Variants in GOLGA5 observed in about 807,000 individuals in gnomAD.
The protein encoded by GOLGA5 is golgin A5.
In GOLGA5, 50 loss-of-function variants were observed where a neutral mutation model predicts 93.5. The ratio of observed to expected loss-of-function variants is 0.53; its 90% confidence interval spans 0.43 to 0.68. The LOEUF (loss-of-function observed/expected upper bound fraction) is 0.68. GOLGA5 is among the 30% of genes least tolerant of loss of function. GOLGA5 has a pLI of 0.00. For missense variants in GOLGA5, 760 were observed against 856.4 expected, an observed-to-expected ratio of 0.89 and a Z score of 1.40; for synonymous variants, 312 against 304.5, an observed-to-expected ratio of 1.02 and a Z score of -0.26.
intron 2 of GOLGA5, among the ~76,000 whole-genome samples, chr14:92,804,655 CTT>C (rs765326844): frequency 5.1e-4 from 58 of 114,278 alleles, no homozygotes; most frequent in African/African-American, 1.3e-3. Flanking sequence ...TAATTTCTTT[CTT>C]TTTTTTTTTT....
chr14:92,837,977 A>G (rs566194665), intron 12 of GOLGA5, among the ~76,000 whole-genome samples: 54 of 152,362 alleles, frequency 3.5e-4, no homozygotes, highest in African/African-American at 1.1e-3. Context: ...GGCTTTTCCT[A>G]CAAATAAAAT....
chr14:92,808,125 T>G (rs558506747), intron 3 of GOLGA5, among the ~76,000 whole-genome samples: 8 of 152,164 alleles, frequency 5.3e-5, no homozygotes, highest in African/African-American at 1.9e-4. Context: ...TTCCAGCTAC[T>G]CAGGAGGCTG....
intron 6 of GOLGA5, among the ~76,000 whole-genome samples, chr14:92,814,429 T>G (rs371418967): frequency 6.6e-6 from 1 of 152,096 alleles, no homozygotes; most frequent in Admixed American, 6.5e-5. Context: ...ACTTGGCAAC[T>G]AGGAGGTCCC....
chr14:92,813,166 C>T (rs934247932), intron 6 of GOLGA5, among the ~76,000 whole-genome samples: 1 of 152,094 alleles, frequency 6.6e-6, no homozygotes, highest in Admixed American at 6.5e-5. Context: ...TCATATTGAT[C>T]TCCTCCTCAA....
At chr14:92,827,492 C>T (rs1177522345) in intron 9 of GOLGA5, among the ~76,000 whole-genome samples, 1 of 152,184 alleles carries the variant, frequency 6.6e-6, no homozygotes, top group Non-Finnish European at 1.5e-5. Context: ...CATCAACTGG[C>T]CATTCCCACA....
intron 10 of GOLGA5, among the ~76,000 whole-genome samples, chr14:92,835,069 G>C (rs1289477632): frequency 6.6e-6 from 1 of 152,226 alleles, no homozygotes; most frequent in Admixed American, 6.5e-5. Context: ...TGGCAGCTGA[G>C]GCAGGTTGAC....
chr14:92,834,032 A>C (rs1350360795), intron 10 of GOLGA5, among the ~76,000 whole-genome samples: 1 of 150,592 alleles, frequency 6.6e-6, no homozygotes, highest in Admixed American at 6.6e-5. Flanking sequence ...TTTATTTGTA[A>C]TTGTTAATTA....
intron 1 of GOLGA5, among the ~76,000 whole-genome samples, chr14:92,795,647 ACT>A (rs1490055849): frequency 6.6e-6 from 1 of 152,186 alleles, no homozygotes; most frequent in African/African-American, 2.4e-5. Flanking sequence ...TGTGTGCTAG[ACT>A]CTGGGAATTC....
At chr14:92,828,260 TGC>T (rs1198538220) in intron 9 of GOLGA5, among the ~76,000 whole-genome samples, 3 of 152,242 alleles carry the variant, frequency 2.0e-5, no homozygotes, top group Non-Finnish European at 2.9e-5. Flanking sequence ...TAGGGGCTAA[TGC>T]TGCTGGTGAC....
At chr14:92,816,133 CT>C in intron 6 of GOLGA5, 117 bp from the exon 7 acceptor site, 2 of 664,700 alleles carry the variant, frequency 3.0e-6, no homozygotes, top group South Asian at 3.9e-5. Flanking sequence ...AATCTGTGGA[CT>C]TTCTTTGATG....
intron 3 of GOLGA5, among the ~76,000 whole-genome samples, chr14:92,808,308 C>G (rs987512860): frequency 1.3e-5 from 2 of 151,858 alleles, no homozygotes; most frequent in East Asian, 3.9e-4. Flanking sequence ...TTAGAAAAAG[C>G]TTTACTTTAC....
intron 12 of GOLGA5, among the ~76,000 whole-genome samples, chr14:92,837,709 G>A (rs573097906): frequency 1.3e-5 from 2 of 151,976 alleles, no homozygotes; most frequent in East Asian, 3.9e-4. Flanking sequence ...GACTACAGGC[G>A]TGCACCACCA....
intron 9 of GOLGA5, 114 bp downstream of exon 9, chr14:92,824,758 G>C: frequency 1.6e-6 from 1 of 608,058 alleles, no homozygotes; most frequent in Non-Finnish European, 2.9e-6. Context: ...TTTTGTAACA[G>C]TGGTGACAAA....
chr14:92,806,642 G>A, intron 2 of GOLGA5, 94 bp from the exon 3 acceptor site: 1 of 811,918 alleles, frequency 1.2e-6, no homozygotes, highest in Non-Finnish European at 2.1e-6. Context: ...TGTTTTAGCT[G>A]TAGCAGTCAA....
intron 6 of GOLGA5, among the ~76,000 whole-genome samples, chr14:92,813,477 C>G (rs955815662): frequency 6.6e-6 from 1 of 152,184 alleles, no homozygotes; most frequent in African/African-American, 2.4e-5. Flanking sequence ...AATAGGAAGA[C>G]TCATGATAGG....
chr14:92,823,740 A>G lies in GOLGA5; in HGVS notation c.1621-806A>G, dbSNP rs113665392. On this transcript the variant is annotated intron_variant, in intron 8 of 12. Coordinates refer to ENST00000163416, the MANE Select transcript of GOLGA5 (RefSeq NM_005113.4). ...TGGCTTTTCTTTCTTACAGTTTTCCATATGAATACTAGAATAACTTTACAT... is the reference window on the plus strand; with the variant it reads ...TGGCTTTTCTTTCTTACAGTTTTCCGTATGAATACTAGAATAACTTTACAT... 9.6e-3 allele frequency among the ~76,000 whole-genome samples: 1,468 copies of G among 152,174 alleles called. 25 individuals carry two copies. Among genetic ancestry groups the G allele is most frequent in the African/African-American group, 0.033 (1,358 of 41,524 alleles).
intron 9 of GOLGA5, among the ~76,000 whole-genome samples, chr14:92,831,841 C>A (rs1885537895): frequency 6.6e-6 from 1 of 151,860 alleles, no homozygotes; most frequent in Admixed American, 6.6e-5. Context: ...TAAGTGCCTA[C>A]CATATGACAG....
chr14:92,811,769 T>C lies in GOLGA5; in HGVS notation c.1320+15T>C. The C allele has an allele frequency of 3.2e-6, 5 of 1,565,366 alleles. No homozygotes were observed. Among genetic ancestry groups the C allele is most frequent in the Non-Finnish European group, 4.4e-6 (5 of 1,135,670 alleles). ...GAATACTGCAAGTAAGCATGAAATG[T>C]ACACTTTTGGATGTTAAGATGTGCA... is the stretch of plus-strand genomic sequence containing the variant. On this transcript the variant is annotated intron_variant, in intron 6 of 12. Coordinates refer to ENST00000163416, the MANE Select transcript of GOLGA5 (RefSeq NM_005113.4).
At chr14:92,810,223 G>C in intron 4 of GOLGA5, 31 bp from the exon 5 acceptor site, 1 of 1,555,138 alleles carries the variant, frequency 6.4e-7, no homozygotes, top group African/African-American at 1.4e-5. Context: ...CTGTAGACAT[G>C]AGTTATTTCA....
Sources: gnomAD v4.1 joint callset for allele counts (sites outside exome capture counted in the v4.1 genomes callset) on GRCh38, gnomAD v4.1.1 for gene constraint, MANE v1.5 for transcripts, NCBI Gene and HGNC (gene_info 2026-07-23, HGNC 2026-07-21) for gene names.